The following DNAH17 variants were observed in gnomAD, a reference collection of about 807,000 sequenced individuals.
DNAH17 encodes the protein axonemal beta dynein heavy chain 17.
DNAH17 carries 376 observed loss-of-function variants against 485.6 expected under a neutral mutation model. That is an observed-to-expected ratio of 0.77 (90% CI 0.71 to 0.84). The LOEUF (loss-of-function observed/expected upper bound fraction) is 0.84. Ranked by LOEUF, DNAH17 falls within the 40% of genes least tolerant of loss-of-function variation. The pLI is 0.00. For missense variants in DNAH17, 6,370 were observed against 5,839.3 expected, an observed-to-expected ratio of 1.09 and a Z score of -2.96; for synonymous variants, 3,031 against 2,405.9, an observed-to-expected ratio of 1.26 and a Z score of -7.60.
At chr17:78,507,018 C>T (rs1290793625) in intron 29 of DNAH17, among the ~76,000 whole-genome samples, 172 bp from the exon 30 acceptor site, 2 of 152,154 alleles carry the variant, frequency 1.3e-5, no homozygotes, top group Non-Finnish European at 2.9e-5. Flanking sequence ...TTTGCCATCC[C>T]CTGACCTTGT....
At chr17:78,538,191 G>A (rs1253404972) in intron 18 of DNAH17, among the ~76,000 whole-genome samples, 1 of 150,044 alleles carries the variant, frequency 6.7e-6, no homozygotes, top group Non-Finnish European at 1.5e-5. Context: ...CCATTGTTCT[G>A]GGTTACTACA....
At chr17:78,540,130 T>A (rs7221694) in intron 17 of DNAH17, among the ~76,000 whole-genome samples, 116,159 of 151,708 alleles carry the variant, frequency 0.77, 44,537 homozygotes, top group African/African-American at 0.78. Flanking sequence ...CCCAAAGGAA[T>A]CCTCCATCTC....
At chr17:78,565,003 A>G (rs114678200) in intron 11 of DNAH17, among the ~76,000 whole-genome samples, 1 of 152,110 alleles carries the variant, frequency 6.6e-6, no homozygotes, top group East Asian at 1.9e-4. Context: ...ATCCTCCACC[A>G]TCCCGCAGGG....
intron 22 of DNAH17, among the ~76,000 whole-genome samples, chr17:78,527,255 T>C (rs7222215): frequency 0.13 from 20,072 of 151,974 alleles, 1,728 homozygotes; most frequent in Middle Eastern, 0.23. Flanking sequence ...GGCGTGATGA[T>C]ATGGGCCTGT....
rs28405813 is a variant in DNAH17, at chr17:78,542,448, G to C, written c.2532+1409C>G. On this transcript the variant is annotated intron_variant, in intron 17 of 80. Coordinates refer to ENST00000389840, the MANE Select transcript of DNAH17 (RefSeq NM_173628.4). Reference sequence around the variant, plus strand: ...CCAGCGTGAGCCACTACGCCCAGCCGTTATTTGAGCTCAAGGGAGAATATT... The same window carrying C: ...CCAGCGTGAGCCACTACGCCCAGCCCTTATTTGAGCTCAAGGGAGAATATT... Among the ~76,000 whole-genome samples the C allele has an allele frequency of 2.6e-5, 4 of 152,190 alleles. No individual in the cohort carries two copies. In the South Asian group the frequency reaches 8.3e-4, roughly 32 times the overall value.
At chr17:78,568,336 G>A (rs888866463) in intron 9 of DNAH17, among the ~76,000 whole-genome samples, 3 of 151,938 alleles carry the variant, frequency 2.0e-5, no homozygotes, top group African/African-American at 7.3e-5. Context: ...TCCCTCCCCT[G>A]CCCCCCAGGA....
rs780167672 is a variant in DNAH17, at chr17:78,526,771, CG to C, written c.3625-35del. 26 of 1,578,314 alleles carry C rather than the reference CG, an allele frequency of 1.6e-5. No individual in the cohort carries two copies. In the East Asian group the frequency reaches 5.7e-4, roughly 34 times the overall value. ...GAAGAGTGCAAAGTACAGAGAGTCACGGGGCGGCCACCTGCCCCAAGGGTGG... is the reference window on the plus strand; with the variant it reads ...GAAGAGTGCAAAGTACAGAGAGTCACGGGCGGCCACCTGCCCCAAGGGTGG... On this transcript the variant is annotated intron_variant, in intron 23 of 80. Transcript: ENST00000389840.
chr17:78,571,814 A>G (rs745659144), intron 3 of DNAH17, 32 bp from the exon 4 acceptor site: 2 of 1,541,210 alleles, frequency 1.3e-6, no homozygotes, highest in Non-Finnish European at 1.8e-6. Flanking sequence ...CATTGCTCTC[A>G]TGGCGACACA....
At chr17:78,512,297 T>C (rs2143096894) in intron 26 of DNAH17, among the ~76,000 whole-genome samples, 1 of 152,308 alleles carries the variant, frequency 6.6e-6, no homozygotes, top group African/African-American at 2.4e-5. Context: ...TGCCAAGACC[T>C]GTCCCAGCCT....
At chr17:78,560,322 G>A (rs926039999) in intron 13 of DNAH17, among the ~76,000 whole-genome samples, 3 of 152,172 alleles carry the variant, frequency 2.0e-5, no homozygotes, top group Admixed American at 6.5e-5. Context: ...GCAGCTCTGG[G>A]GCTGTGCTTG....
intron 26 of DNAH17, among the ~76,000 whole-genome samples, chr17:78,511,165 G>A (rs2090626904): frequency 6.6e-6 from 1 of 152,212 alleles, no homozygotes. Flanking sequence ...CACCTGGGCT[G>A]GAGTGCATCT....
intron 56 of DNAH17, 116 bp from the exon 57 acceptor site, chr17:78,463,193 T>G (rs2088228893): frequency 1.1e-6 from 1 of 877,104 alleles, no homozygotes; most frequent in Non-Finnish European, 1.8e-6. Context: ...GCTCTCAACC[T>G]CAGTGTCTTC....
chr17:78,525,995 G>C (rs1323252183), intron 24 of DNAH17, among the ~76,000 whole-genome samples: 1 of 152,242 alleles, frequency 6.6e-6, no homozygotes, highest in Non-Finnish European at 1.5e-5. Flanking sequence ...CGACCCAGCA[G>C]TACCTGGGCA....
chr17:78,487,174 C>T (rs1267411583), intron 44 of DNAH17, among the ~76,000 whole-genome samples: 2 of 152,150 alleles, frequency 1.3e-5, no homozygotes, highest in African/African-American at 4.8e-5. Flanking sequence ...ACTCTGGGGC[C>T]TGACTGCCCA....
chr17:78,519,824 A>T lies in DNAH17; in HGVS notation c.3865-4802T>A, dbSNP rs147651595. Among the ~76,000 whole-genome samples the T allele has an allele frequency of 6.4e-3, 974 of 152,302 alleles. 25 individuals carry two copies. The highest frequency in any genetic ancestry group is 0.046 in the East Asian group (239 of 5,186). ...GAATTTGTAACTAAAAATCTCATGG[A>T]AATGGCCGGGCATGGTGGCTCACGC... On this transcript the variant is annotated intron_variant, in intron 25 of 80. Transcript: ENST00000389840.
Position 78,486,368 on chromosome 17 carries a change from G to T in DNAH17, c.6957C>A (p.Ile2319=). The T allele has an allele frequency of 6.2e-7, 1 of 1,613,896 alleles. No homozygotes were observed. The highest frequency in any genetic ancestry group is 1.1e-5 in the South Asian group (1 of 91,082). ...GFKKITPVPE[I]TVIQTILYLL... is the part of the protein sequence containing the mutation. Reference sequence around the variant, plus strand: ...GGTACAGAATCGTTTGGATCACCGTGATCTCCGGCACTGGCGTGATCTTCT... The same window carrying T: ...GGTACAGAATCGTTTGGATCACCGTTATCTCCGGCACTGGCGTGATCTTCT... Residue 2319 remains isoleucine (I), a synonymous_variant, in exon 45 of 81, where the codon ATC becomes ATA. Transcript: ENST00000389840.
Position 78,459,774 on chromosome 17 carries a change from C to G in DNAH17, c.9653+10G>C. ...GGAAGCCCCGGCTACGAGGCCCAGCCCCGACTCACTTGAAGGCCTTCAGGC... is the reference window on the plus strand; with the variant it reads ...GGAAGCCCCGGCTACGAGGCCCAGCGCCGACTCACTTGAAGGCCTTCAGGC... On this transcript the variant is annotated intron_variant, in intron 60 of 80. Transcript: ENST00000389840. 6.2e-7 allele frequency: 1 copy of G among 1,613,892 alleles called. No homozygotes were observed. Among genetic ancestry groups the G allele is most frequent in the Non-Finnish European group, 8.5e-7 (1 of 1,179,808 alleles).
rs748369189 is a variant in DNAH17 at position 78,494,989 on chromosome 17, G to A, written c.6012C>T (p.Tyr2004=). 5.0e-6 allele frequency: 8 copies of A among 1,613,206 alleles called. No homozygotes were observed. The African/African-American group carries it at 6.7e-5, about 13-fold the overall frequency. Residue 2004 remains tyrosine (Y), a synonymous_variant, in exon 39 of 81, where the codon TAC becomes TAT. Coordinates refer to ENST00000389840, the MANE Select transcript of DNAH17 (RefSeq NM_173628.4). ...TCGAGAGCAGCTCCTTGCACAAGGTGTACAGGGTGATGAACTTCCTGGCCA... is the reference window on the plus strand; with the variant it reads ...TCGAGAGCAGCTCCTTGCACAAGGTATACAGGGTGATGAACTTCCTGGCCA... ...RLLARKFITL[Y]TLCKELLSKQ... is the part of the protein sequence containing the mutation.
intron 16 of DNAH17, 69 bp from the exon 17 acceptor site, chr17:78,544,066 G>A: frequency 2.5e-6 from 4 of 1,603,224 alleles, no homozygotes; most frequent in Non-Finnish European, 3.4e-6. Context: ...GTCCTTTGCT[G>A]TGTGCTTTTG....
Sources: allele counts gnomAD v4.1 joint callset (sites outside exome capture counted in the v4.1 genomes callset), GRCh38; gene constraint gnomAD v4.1.1; transcripts MANE v1.5; gene names NCBI Gene and HGNC (gene_info 2026-07-23, HGNC 2026-07-21).